The following LRRC4C variants were observed in gnomAD, a reference collection of about 807,000 sequenced individuals.
The protein encoded by LRRC4C is leucine rich repeat containing 4C, also known as leucine-rich repeat-containing protein 4C.
Under a neutral mutation model 33.6 loss-of-function variants are expected in LRRC4C, and 5 were observed. The observed-to-expected ratio is 0.15, with a 90% CI of 0.08 to 0.31. The LOEUF (loss-of-function observed/expected upper bound fraction) is 0.31. LRRC4C is among the 10% of genes least tolerant of loss of function. The pLI, the probability that LRRC4C is intolerant of heterozygous loss-of-function variation, is 1.00. For missense variants in LRRC4C, 560 were observed against 796.7 expected (o/e 0.70, Z 3.58); for synonymous variants, 329 against 302.0 (o/e 1.09, Z -0.93).
intron 2 of LRRC4C, among the ~76,000 whole-genome samples, chr11:40,765,745 G>A (rs1387575264): frequency 2.0e-5 from 3 of 151,244 alleles, no homozygotes; most frequent in African/African-American, 4.9e-5. Context: ...AAGAACTGCT[G>A]ATCTTGAATA....
intron 1 of LRRC4C, among the ~76,000 whole-genome samples, chr11:41,325,311 T>C (rs940808462): frequency 6.6e-6 from 1 of 152,202 alleles, no homozygotes; most frequent in Admixed American, 6.5e-5. Flanking sequence ...AGGTGAGTTA[T>C]TGAAAACTCA....
chr11:40,872,727 A>C (rs1236855573), intron 2 of LRRC4C, among the ~76,000 whole-genome samples: 1 of 152,144 alleles, frequency 6.6e-6, no homozygotes, highest in African/African-American at 2.4e-5. Flanking sequence ...ACTGTGGCAT[A>C]AATTTTATAT....
chr11:40,928,206 G>A (rs1158418770), intron 2 of LRRC4C, among the ~76,000 whole-genome samples: 1 of 151,268 alleles, frequency 6.6e-6, no homozygotes, highest in African/African-American at 2.4e-5. Context: ...AAGTAGTATG[G>A]TCTAACCTAA....
intron 2 of LRRC4C, among the ~76,000 whole-genome samples, chr11:40,770,604 C>T (rs1949707439): frequency 6.6e-6 from 1 of 152,176 alleles, no homozygotes; most frequent in South Asian, 2.1e-4. Context: ...TCCATAGTCT[C>T]ATCTGAGACA....
At chr11:40,671,644 T>G in intron 2 of LRRC4C, among the ~76,000 whole-genome samples, 1 of 114,404 alleles carries the variant, frequency 8.7e-6, no homozygotes, top group Non-Finnish European at 1.9e-5. Flanking sequence ...TTGTCCTTAT[T>G]CAGTGTGTGT....
chr11:41,017,356 T>G (rs1448883296), intron 1 of LRRC4C, among the ~76,000 whole-genome samples: 1 of 152,208 alleles, frequency 6.6e-6, no homozygotes, highest in African/African-American at 2.4e-5. Flanking sequence ...GTGAAGCTTT[T>G]ATTTTCACTT....
At chr11:40,753,612 C>A (rs1207634030) in intron 2 of LRRC4C, among the ~76,000 whole-genome samples, 2 of 146,936 alleles carry the variant, frequency 1.4e-5, no homozygotes, top group African/African-American at 5.0e-5. Context: ...GCGATCTGGG[C>A]TCACTGCAAA....
intron 3 of LRRC4C, among the ~76,000 whole-genome samples, chr11:40,568,194 C>A (rs778237002): frequency 9.2e-5 from 14 of 152,322 alleles, no homozygotes; most frequent in Non-Finnish European, 1.8e-4. Flanking sequence ...TTTCTCAGAT[C>A]TCTGACTCTG....
At chr11:40,936,063 T>TATATATATATAA (rs1957881631) in intron 1 of LRRC4C, among the ~76,000 whole-genome samples, 1 of 92,776 alleles carries the variant, frequency 1.1e-5, no homozygotes, top group Non-Finnish European at 2.3e-5. Flanking sequence ...TATATATATA[T>TATATATATATAA]ATAACATAGT....
At chr11:40,949,710 A>G in intron 1 of LRRC4C, among the ~76,000 whole-genome samples, 1 of 152,084 alleles carries the variant, frequency 6.6e-6, no homozygotes, top group Non-Finnish European at 1.5e-5. Flanking sequence ...AGAGCTCCTG[A>G]AGGAAGCACT....
intron 1 of LRRC4C, among the ~76,000 whole-genome samples, chr11:41,319,878 T>C (rs1378112337): frequency 5.3e-5 from 8 of 152,188 alleles, no homozygotes; most frequent in African/African-American, 1.9e-4. Context: ...GATTTGGGAC[T>C]TTCATTTTTA....
At chr11:41,381,285 C>G (rs1184994992) in intron 1 of LRRC4C, among the ~76,000 whole-genome samples, 1 of 152,082 alleles carries the variant, frequency 6.6e-6, no homozygotes, top group Non-Finnish European at 1.5e-5. Context: ...TTGAACACTT[C>G]AGACATTGTA....
chr11:40,377,900 C>A (rs1753899427), intron 3 of LRRC4C, among the ~76,000 whole-genome samples: 1 of 151,962 alleles, frequency 6.6e-6, no homozygotes, highest in Admixed American at 6.6e-5. Flanking sequence ...CAATTCTAAA[C>A]CTCTTAAAGT....
intron 1 of LRRC4C, among the ~76,000 whole-genome samples, chr11:41,263,471 T>A (rs1351112380): frequency 6.6e-6 from 1 of 152,116 alleles, no homozygotes; most frequent in African/African-American, 2.4e-5. Flanking sequence ...AAGGGGGCAT[T>A]TAGAGAAAGC....
chr11:40,287,825 C>T (rs1324789002), intron 4 of LRRC4C, among the ~76,000 whole-genome samples: 1 of 152,102 alleles, frequency 6.6e-6, no homozygotes, highest in Non-Finnish European at 1.5e-5. Flanking sequence ...CACTAAGGCA[C>T]TTCTATATAT....
At chr11:40,947,631 G>C (rs1298102210) in intron 1 of LRRC4C, among the ~76,000 whole-genome samples, 2 of 151,926 alleles carry the variant, frequency 1.3e-5, no homozygotes, top group Non-Finnish European at 2.9e-5. Context: ...ATTCTCACAG[G>C]TCACCAGAAC....
At chr11:40,263,917 T>C (rs1942052288) in intron 4 of LRRC4C, among the ~76,000 whole-genome samples, 2 of 152,164 alleles carry the variant, frequency 1.3e-5, no homozygotes, top group Non-Finnish European at 2.9e-5. Context: ...AGAAGGAGCC[T>C]GGGTTTCTGG....
chr11:40,551,551 A>C (rs961666017), intron 3 of LRRC4C, among the ~76,000 whole-genome samples: 1 of 152,102 alleles, frequency 6.6e-6, no homozygotes, highest in Middle Eastern at 3.2e-3. Flanking sequence ...GCTAATTCCC[A>C]TTCCACTTTT....
At chr11:40,500,375 C>A (rs1258759602) in intron 3 of LRRC4C, among the ~76,000 whole-genome samples, 1 of 147,008 alleles carries the variant, frequency 6.8e-6, no homozygotes, top group Non-Finnish European at 1.5e-5. Context: ...ATCTATTGTT[C>A]AATAAAGAAC....
Sources: gnomAD v4.1 joint callset for allele counts (sites outside exome capture counted in the v4.1 genomes callset) on GRCh38, gnomAD v4.1.1 for gene constraint, MANE v1.5 for transcripts, NCBI Gene and HGNC (gene_info 2026-07-23, HGNC 2026-07-21) for gene names.